Variants in ZEB1 observed in about 807,000 individuals in gnomAD.
ZEB1 encodes zinc finger E-box binding homeobox 1.
ZEB1 carries 21 observed loss-of-function variants against 84.9 expected under a neutral mutation model. That is an observed-to-expected ratio of 0.25 (90% CI 0.18 to 0.36). ZEB1 has a LOEUF of 0.36. ZEB1 is among the 10% of genes least tolerant of loss of function. ZEB1 has a pLI of 1.00. For missense variants in ZEB1, 1,104 were observed against 1,330.2 expected (o/e 0.83, Z 2.65); for synonymous variants, 420 against 471.1 (o/e 0.89, Z 1.41).
intron 2 of ZEB1, among the ~76,000 whole-genome samples, chr10:31,461,959 G>A (rs1042948255): frequency 1.3e-5 from 2 of 152,156 alleles, no homozygotes; most frequent in Non-Finnish European, 2.9e-5. Flanking sequence ...GGATATGGAA[G>A]TGGCATAGTA....
At chr10:31,431,826 G>A (rs574941869) in intron 1 of ZEB1, among the ~76,000 whole-genome samples, 1 of 152,284 alleles carries the variant, frequency 6.6e-6, no homozygotes, top group East Asian at 1.9e-4. Context: ...GACCTACGTA[G>A]TATAACTAAC....
At chr10:31,451,669 T>C (rs2060582992) in intron 1 of ZEB1, among the ~76,000 whole-genome samples, 1 of 152,206 alleles carries the variant, frequency 6.6e-6, no homozygotes, top group African/African-American at 2.4e-5. Context: ...TAATTTAATC[T>C]CTTGAGGACT....
At chr10:31,383,967 T>C (rs1292336071) in intron 1 of ZEB1, among the ~76,000 whole-genome samples, 7 of 18,504 alleles carry the variant, frequency 3.8e-4, no homozygotes, top group East Asian at 1.1e-3. Context: ...GATTAGTGCT[T>C]TTTTTTTTTT....
intron 1 of ZEB1, among the ~76,000 whole-genome samples, chr10:31,382,194 T>C (rs1019239153): frequency 6.6e-6 from 1 of 151,948 alleles, no homozygotes; most frequent in Admixed American, 6.6e-5. Context: ...TCAATACATA[T>C]GTGAAACCAG....
chr10:31,499,290 G>A (rs775742700), intron 3 of ZEB1, among the ~76,000 whole-genome samples: 2 of 152,132 alleles, frequency 1.3e-5, no homozygotes, highest in South Asian at 2.1e-4. Context: ...TTTGTTTAAT[G>A]TATTCAGAAA....
At chr10:31,335,153 C>T (rs887290517) in intron 1 of ZEB1, among the ~76,000 whole-genome samples, 60 of 151,954 alleles carry the variant, frequency 3.9e-4, no homozygotes, top group African/African-American at 7.2e-4. Flanking sequence ...AATCACAGTC[C>T]GAAAATATTA....
At chr10:31,440,250 A>T (rs77648976) in intron 1 of ZEB1, among the ~76,000 whole-genome samples, 2 of 152,260 alleles carry the variant, frequency 1.3e-5, no homozygotes, top group East Asian at 3.9e-4. Context: ...GTATTTGGCT[A>T]TGGTAAAAAA....
At chr10:31,367,120 C>T (rs2839658) in intron 1 of ZEB1, among the ~76,000 whole-genome samples, 33,780 of 151,976 alleles carry the variant, frequency 0.22, 4,659 homozygotes, top group South Asian at 0.39. Context: ...TGGAAAGCAA[C>T]CACTGGGTTT....
chr10:31,458,861 A>G lies in ZEB1; in HGVS notation c.59-2176A>G, dbSNP rs762265180. ...GATAGAATGCTGTGTAGCTATCCAGAGGGAAATAAGAAAGCTTTATGTATA... is the reference window on the plus strand; with the variant it reads ...GATAGAATGCTGTGTAGCTATCCAGGGGGAAATAAGAAAGCTTTATGTATA... On this transcript the variant is annotated intron_variant, in intron 1 of 8. Coordinates refer to ENST00000424869, the MANE Select transcript of ZEB1 (RefSeq NM_001174096.2). Among the ~76,000 whole-genome samples the G allele has an allele frequency of 2.3e-4, 35 of 152,242 alleles. 3 individuals are homozygous for G. The highest frequency in any genetic ancestry group is 2.2e-3 in the Admixed American group (34 of 15,282).
intron 1 of ZEB1, among the ~76,000 whole-genome samples, chr10:31,397,849 T>C (rs1274474694): frequency 6.6e-6 from 1 of 152,112 alleles, no homozygotes; most frequent in East Asian, 1.9e-4. Flanking sequence ...TAAAGTACAG[T>C]TTTTAAGTTC....
At chr10:31,319,081 G>A (rs770130564), upstream of ZEB1, 380 of 676,908 alleles carry the variant, frequency 5.6e-4, 1 homozygote, top group Middle Eastern at 3.2e-3. Context: ...TAGAGCGAGA[G>A]CCTCTAGGTG....
chr10:31,319,445 C>CCCTCCGCTG (rs973103389), intron 1 of ZEB1, 153 bp downstream of exon 1: 7 of 711,408 alleles, frequency 9.8e-6, no homozygotes, highest in African/African-American at 5.4e-5. Context: ...CTCTCTGCCC[C>CCCTCCGCTG]CCTCCGCTGC....
chr10:31,405,640 T>G (rs2052838388), intron 1 of ZEB1, among the ~76,000 whole-genome samples: 1 of 152,158 alleles, frequency 6.6e-6, no homozygotes, highest in Non-Finnish European at 1.5e-5. Flanking sequence ...GTCAGTTTAC[T>G]AGTTTTATTT....
intron 1 of ZEB1, among the ~76,000 whole-genome samples, chr10:31,331,765 A>G (rs1255585133): frequency 1.3e-5 from 2 of 152,238 alleles, no homozygotes; most frequent in African/African-American, 4.8e-5. Flanking sequence ...CATAACACAC[A>G]TGCACACACA....
rs912353656 is a variant in ZEB1 at position 31,442,131 on chromosome 10, C to A, written c.59-18906C>A. On this transcript the variant is annotated intron_variant, in intron 1 of 8. Coordinates refer to ENST00000424869, the MANE Select transcript of ZEB1 (RefSeq NM_001174096.2). Reference sequence around the variant, plus strand: ...CATGTATGTTGATTGCGGCACTATTCACGATAGCAAAGACTTGGAACCAAC... The same window carrying A: ...CATGTATGTTGATTGCGGCACTATTAACGATAGCAAAGACTTGGAACCAAC... 9.4e-4 allele frequency among the ~76,000 whole-genome samples: 143 copies of A among 152,316 alleles called. 2 individuals are homozygous for A. The highest frequency in any genetic ancestry group is 3.4e-3 in the African/African-American group (140 of 41,560).
intron 2 of ZEB1, among the ~76,000 whole-genome samples, chr10:31,470,335 T>C (rs2063047247): frequency 6.9e-6 from 1 of 144,600 alleles, no homozygotes. Context: ...GAAGAATGTA[T>C]AACTAGAATA....
intron 1 of ZEB1, among the ~76,000 whole-genome samples, chr10:31,390,367 T>C (rs182387424): frequency 7.9e-5 from 12 of 152,246 alleles, no homozygotes; most frequent in Admixed American, 5.9e-4. Flanking sequence ...AACTAGAAGA[T>C]ATCTCTAGCC....
intron 2 of ZEB1, among the ~76,000 whole-genome samples, chr10:31,475,249 A>G (rs1488300682): frequency 6.6e-6 from 1 of 151,730 alleles, no homozygotes; most frequent in South Asian, 2.1e-4. Context: ...CCAATCAGAC[A>G]AAAAATAAGT....
At chr10:31,488,402 G>C (rs770226112) in intron 2 of ZEB1, among the ~76,000 whole-genome samples, 11 of 150,944 alleles carry the variant, frequency 7.3e-5, no homozygotes, top group Non-Finnish European at 1.3e-4. Flanking sequence ...TTCTACAGTG[G>C]TATTCTCTTT....
Sources: gnomAD v4.1 joint callset for allele counts (sites outside exome capture counted in the v4.1 genomes callset) on GRCh38, gnomAD v4.1.1 for gene constraint, MANE v1.5 for transcripts, NCBI Gene and HGNC (gene_info 2026-07-23, HGNC 2026-07-21) for gene names.